CNTNAP5: variants seen among roughly 807,000 people sequenced by gnomAD.
CNTNAP5 encodes the protein contactin associated protein family member 5, also known as contactin-associated protein-like 5.
A neutral mutation model predicts 150.2 loss-of-function variants in CNTNAP5; 72 were observed. The ratio of observed to expected loss-of-function variants is 0.48; its 90% CI spans 0.40 to 0.58. The LOEUF (loss-of-function observed/expected upper bound fraction) is 0.58. Ranked by LOEUF, CNTNAP5 falls within the 20% of genes least tolerant of loss-of-function variation. The probability of loss-of-function intolerance (pLI) is 0.00; values close to 1 mark genes in which losing one functional copy is unlikely to be tolerated. For synonymous variants in CNTNAP5, 672 were observed against 619.8 expected (o/e 1.08, Z -1.25); for missense variants, 1,636 against 1,626.2 (o/e 1.01, Z -0.10).
At chr2:124,863,727 G>A (rs1041053815) in intron 19 of CNTNAP5, among the ~76,000 whole-genome samples, 13 of 152,142 alleles carry the variant, frequency 8.5e-5, no homozygotes, top group South Asian at 2.1e-4. Context: ...TCAGGGACAC[G>A]GTGGTTACTC....
chr2:124,713,655 C>A (rs572632024), intron 13 of CNTNAP5, among the ~76,000 whole-genome samples: 2 of 151,970 alleles, frequency 1.3e-5, no homozygotes, highest in African/African-American at 4.8e-5. Flanking sequence ...GGATTACAGG[C>A]GTGAGCCACC....
At chr2:124,301,233 T>C (rs1373357252) in intron 3 of CNTNAP5, among the ~76,000 whole-genome samples, 1 of 152,226 alleles carries the variant, frequency 6.6e-6, no homozygotes, top group African/African-American at 2.4e-5. Flanking sequence ...AAAAGTAGCA[T>C]GTCATCTCCA....
intron 1 of CNTNAP5, among the ~76,000 whole-genome samples, chr2:124,198,361 T>C (rs1352018029): frequency 3.3e-5 from 5 of 152,174 alleles, no homozygotes; most frequent in African/African-American, 9.6e-5. Context: ...TCCCTTCTTA[T>C]GTATATACAT....
At chr2:124,153,840 T>C (rs1252104426) in intron 1 of CNTNAP5, among the ~76,000 whole-genome samples, 1 of 151,986 alleles carries the variant, frequency 6.6e-6, no homozygotes, top group African/African-American at 2.4e-5. Context: ...CTAGAACTCC[T>C]GACCTCAGTT....
Position 124,633,092 on chromosome 2 carries a change from C to G in CNTNAP5, c.1877-14666C>G, listed in dbSNP as rs548300099. On this transcript the variant is annotated intron_variant, in intron 12 of 23. Transcript: ENST00000682447. The stretch of plus-strand genomic sequence containing the variant: ...ACAGGAGATTTGGGCAGGGACACAG[C>G]TCCAAATCAAATAATTCTGCCTCTA... Among the ~76,000 whole-genome samples, 5 of 152,246 alleles carry G rather than the reference C, an allele frequency of 3.3e-5. No homozygotes were observed. In the South Asian group the frequency reaches 1.0e-3, roughly 32 times the overall value.
At chr2:124,829,350 G>T (rs1682666020) in intron 19 of CNTNAP5, among the ~76,000 whole-genome samples, 1 of 152,116 alleles carries the variant, frequency 6.6e-6, no homozygotes, top group African/African-American at 2.4e-5. Context: ...TAGCTAGGAA[G>T]ACTCTTTCCT....
chr2:124,037,274 C>A (rs1681250192), intron 1 of CNTNAP5, among the ~76,000 whole-genome samples: 4 of 152,196 alleles, frequency 2.6e-5, no homozygotes, highest in South Asian at 4.1e-4. Context: ...TCCTGAGACT[C>A]CTCCTGTCAC....
intron 11 of CNTNAP5, among the ~76,000 whole-genome samples, chr2:124,575,788 T>A (rs1696269742): frequency 6.6e-6 from 1 of 152,208 alleles, no homozygotes; most frequent in Admixed American, 6.5e-5. Flanking sequence ...AATATTACTC[T>A]TGCAAAATAG....
At chr2:124,080,622 A>T (rs934821882) in intron 1 of CNTNAP5, among the ~76,000 whole-genome samples, 4 of 152,210 alleles carry the variant, frequency 2.6e-5, no homozygotes, top group African/African-American at 9.7e-5. Flanking sequence ...CATAGAAAAC[A>T]CTGAGAGTGT....
intron 1 of CNTNAP5, among the ~76,000 whole-genome samples, chr2:124,091,068 C>T (rs1433210767): frequency 3.3e-5 from 5 of 152,012 alleles, no homozygotes; most frequent in Non-Finnish European, 5.9e-5. Context: ...CATGAGGAAG[C>T]GAAAATGCAG....
intron 3 of CNTNAP5, among the ~76,000 whole-genome samples, chr2:124,255,780 A>G (rs112772943): frequency 1.2e-3 from 181 of 152,160 alleles, no homozygotes; most frequent in Admixed American, 3.3e-3. Flanking sequence ...TGTGTCCCTT[A>G]TTATTGTGTG....
rs553072714 is a variant in CNTNAP5 at position 124,247,026 on chromosome 2, G to A, written c.381+4633G>A. 4.6e-5 allele frequency among the ~76,000 whole-genome samples: 7 copies of A among 152,188 alleles called. No individual in the cohort carries two copies. In the South Asian group the frequency reaches 1.5e-3, roughly 32 times the overall value. On this transcript the variant is annotated intron_variant, in intron 3 of 23. Transcript: ENST00000682447. ...AAGGACTTGCATTTGTTACCTGGCA[G>A]TTTTCTCACACAGAGGTCAATTCAA...
At chr2:124,610,062 G>A in intron 12 of CNTNAP5, 142 bp downstream of exon 12, 2 of 870,890 alleles carry the variant, frequency 2.3e-6, no homozygotes, top group Non-Finnish European at 3.3e-6. Context: ...ATGGTATTCT[G>A]GTGAGTAATG....
intron 1 of CNTNAP5, among the ~76,000 whole-genome samples, chr2:124,116,129 T>C (rs544228097): frequency 2.0e-5 from 3 of 152,302 alleles, no homozygotes; most frequent in African/African-American, 7.2e-5. Context: ...TCTTTAGGTA[T>C]AAACAAGGAA....
At chr2:124,341,072 T>C (rs1689603828) in intron 3 of CNTNAP5, among the ~76,000 whole-genome samples, 1 of 151,632 alleles carries the variant, frequency 6.6e-6, no homozygotes, top group African/African-American at 2.4e-5. Context: ...GGTGAGACCC[T>C]GTCTCACACA....
At chr2:124,241,139 G>A (rs1338920087) in intron 2 of CNTNAP5, among the ~76,000 whole-genome samples, 4 of 152,168 alleles carry the variant, frequency 2.6e-5, no homozygotes, top group Non-Finnish European at 5.9e-5. Context: ...CTTGGGAACA[G>A]TAGAAGTGAA....
intron 1 of CNTNAP5, among the ~76,000 whole-genome samples, chr2:124,027,152 A>T (rs1680913991): frequency 6.6e-6 from 1 of 152,190 alleles, no homozygotes; most frequent in Non-Finnish European, 1.5e-5. Flanking sequence ...AGCCGTTGGA[A>T]TCTGAGTTTT....
At chr2:124,568,144 A>AT (rs1260332087) in intron 11 of CNTNAP5, among the ~76,000 whole-genome samples, 1 of 152,220 alleles carries the variant, frequency 6.6e-6, no homozygotes, top group Non-Finnish European at 1.5e-5. Context: ...GTGATGGGAC[A>AT]TTCATGACCT....
chr2:124,429,841 C>T (rs762726326), intron 4 of CNTNAP5, among the ~76,000 whole-genome samples: 4 of 152,070 alleles, frequency 2.6e-5, no homozygotes, highest in East Asian at 1.9e-4. Context: ...ATAGATGATG[C>T]GCAGGAACTC....
Sources: gnomAD v4.1 joint callset for allele counts (sites outside exome capture counted in the v4.1 genomes callset) on GRCh38, gnomAD v4.1.1 for gene constraint, MANE v1.5 for transcripts, NCBI Gene and HGNC (gene_info 2026-07-23, HGNC 2026-07-21) for gene names.